PDS5B: variants seen among roughly 807,000 people sequenced by gnomAD.
The protein encoded by PDS5B is sister chromatid cohesion protein PDS5 homolog B.
Under a neutral mutation model 184.1 loss-of-function variants are expected in PDS5B, and 51 were observed. That is an observed-to-expected ratio of 0.28 (90% CI 0.22 to 0.35). The LOEUF (loss-of-function observed/expected upper bound fraction) is 0.35, where lower values mean the gene tolerates loss of function less well. PDS5B is among the 10% of genes least tolerant of loss of function. The pLI, the probability that PDS5B is intolerant of heterozygous loss-of-function variation, is 1.00. For missense variants in PDS5B, 1,180 were observed against 1,723.3 expected, an observed-to-expected ratio of 0.68 and a Z score of 5.58; for synonymous variants, 566 against 569.2, an observed-to-expected ratio of 0.99 and a Z score of 0.08.
intron 22 of PDS5B, among the ~76,000 whole-genome samples, chr13:32,742,042 G>A (rs1258030161): frequency 2.0e-5 from 3 of 152,078 alleles, no homozygotes; most frequent in African/African-American, 4.8e-5. Flanking sequence ...AGACACTATC[G>A]AAGACCCTCT....
intron 30 of PDS5B, among the ~76,000 whole-genome samples, chr13:32,763,036 A>G (rs1954463112): frequency 6.6e-6 from 1 of 152,102 alleles, no homozygotes; most frequent in African/African-American, 2.4e-5. Context: ...TCAATGTTTG[A>G]CCAATCTGTT....
intron 15 of PDS5B, among the ~76,000 whole-genome samples, chr13:32,698,909 C>T (rs1340603499): frequency 6.6e-6 from 1 of 152,064 alleles, no homozygotes; most frequent in Non-Finnish European, 1.5e-5. Context: ...CCTGCCACCA[C>T]GCCAGGCTAA....
intron 17 of PDS5B, among the ~76,000 whole-genome samples, chr13:32,703,696 A>G (rs1233533108): frequency 6.6e-6 from 1 of 152,204 alleles, no homozygotes; most frequent in Non-Finnish European, 1.5e-5. Flanking sequence ...TTCTACTTTT[A>G]GTCCCCTATA....
chr13:32,628,541 C>T (rs1358606366), intron 1 of PDS5B, among the ~76,000 whole-genome samples: 2 of 143,008 alleles, frequency 1.4e-5, no homozygotes, highest in African/African-American at 2.6e-5. Flanking sequence ...CAGAGAGACT[C>T]CCATCTCAGG....
Position 32,775,013 on chromosome 13 carries a change from T to C in PDS5B, c.4309-4T>C. ...ATTAAGCATCTGGTGACTTTCCTTT[T>C]AAGGTACGGCGGCGAAGTGCTAAAA... On this transcript the variant is annotated splice_polypyrimidine_tract_variant and splice_region_variant and intron_variant, in intron 34 of 34. Transcript: ENST00000315596. 6.2e-7 allele frequency: 1 copy of C among 1,612,742 alleles called. No individual in the cohort carries two copies. The highest frequency in any genetic ancestry group is 2.2e-5 in the East Asian group (1 of 44,810).
At chr13:32,738,623 GTC>G (rs1175174349) in intron 21 of PDS5B, among the ~76,000 whole-genome samples, 1 of 151,988 alleles carries the variant, frequency 6.6e-6, no homozygotes, top group Non-Finnish European at 1.5e-5. Flanking sequence ...ATTTATGTGT[GTC>G]TTTTCACTCC....
At chr13:32,680,090 T>A (rs1951195671) in intron 10 of PDS5B, among the ~76,000 whole-genome samples, 1 of 152,244 alleles carries the variant, frequency 6.6e-6, no homozygotes, top group Non-Finnish European at 1.5e-5. Flanking sequence ...ATTTGTTTTT[T>A]TCACCTTATA....
At chr13:32,635,170 GTTTTTTTTTTTTTTTTTTTTTTT>G (rs71071054) in intron 1 of PDS5B, among the ~76,000 whole-genome samples, 86 of 81,110 alleles carry the variant, frequency 1.1e-3, no homozygotes, top group African/African-American at 2.2e-3. Context: ...AGCCAATTAC[GTTTTTTTTTTTTTTTTTTTTTTT>G]TTTTTTTTTT....
At chr13:32,716,129 G>C (rs1185685712) in intron 19 of PDS5B, among the ~76,000 whole-genome samples, 1 of 150,984 alleles carries the variant, frequency 6.6e-6, no homozygotes, top group Admixed American at 6.6e-5. Context: ...CCATCGTCTG[G>C]GACGTGAGGA....
chr13:32,618,296 G>A (rs1039297194), intron 1 of PDS5B, among the ~76,000 whole-genome samples: 9 of 152,186 alleles, frequency 5.9e-5, no homozygotes, highest in Admixed American at 1.3e-4. Flanking sequence ...GGTCCTACCC[G>A]AGGTTTTGCT....
intron 24 of PDS5B, 79 bp from the exon 25 acceptor site, chr13:32,753,253 A>T: frequency 8.2e-7 from 1 of 1,223,356 alleles, no homozygotes; most frequent in Non-Finnish European, 1.2e-6. Context: ...CTCTTTACTT[A>T]AAATAGCAAA....
chr13:32,682,614 A>G (rs1161550542), intron 10 of PDS5B, among the ~76,000 whole-genome samples: 1 of 152,104 alleles, frequency 6.6e-6, no homozygotes, highest in Non-Finnish European at 1.5e-5. Context: ...CTGTGGGCTT[A>G]TGTTCTTATT....
In PDS5B at chr13:32,776,203, T is replaced by C. The variant is rs1255768785; in HGVS notation, c.*1151T>C. ...TGTAAATTCATATTTAGCCATAGTATATGATAGATTGCCCCATAACATAGT... is the reference window on the plus strand; with the variant it reads ...TGTAAATTCATATTTAGCCATAGTACATGATAGATTGCCCCATAACATAGT... On this transcript the variant is annotated 3_prime_UTR_variant, in exon 35 of 35. Transcript: ENST00000315596. The C allele has an allele frequency of 6.5e-6, 1 of 152,722 alleles. No individual in the cohort carries two copies. Among genetic ancestry groups the C allele is most frequent in the East Asian group, 1.9e-4 (1 of 5,206 alleles). 9.5% of individuals were successfully genotyped at this position (152,722 alleles called of 1,614,324 possible). A position where few individuals can be genotyped will look rare whatever the true frequency, so the allele number is the denominator to read the frequency against.
Position 32,738,502 on chromosome 13 carries a change from G to A in PDS5B, c.2407-2578G>A, listed in dbSNP as rs78629737. Among the ~76,000 whole-genome samples, 1,257 of 152,090 alleles carry A rather than the reference G, an allele frequency of 8.3e-3. 18 individuals carry two copies. Among genetic ancestry groups the A allele is most frequent in the African/African-American group, 0.029 (1,187 of 41,484 alleles). On this transcript the variant is annotated intron_variant, in intron 21 of 34. Transcript: ENST00000315596. ...CTACTTTCTGAAATTCCCTTTTGAT[G>A]TATTTTACCTTTTATTCCCCTTGGT...
intron 6 of PDS5B, among the ~76,000 whole-genome samples, chr13:32,660,760 G>A (rs1206044282): frequency 2.0e-5 from 3 of 152,138 alleles, no homozygotes; most frequent in Non-Finnish European, 4.4e-5. Context: ...GAGAGGACCT[G>A]TAGGTACTTC....
chr13:32,719,790 C>G (rs1051979427), intron 19 of PDS5B, among the ~76,000 whole-genome samples: 2 of 150,830 alleles, frequency 1.3e-5, no homozygotes, highest in African/African-American at 2.4e-5. Context: ...AGACCCCCCC[C>G]CCTTTTTTTT....
intron 1 of PDS5B, among the ~76,000 whole-genome samples, chr13:32,615,970 T>G (rs1228418037): frequency 3.9e-5 from 6 of 152,178 alleles, no homozygotes; most frequent in Non-Finnish European, 8.8e-5. Flanking sequence ...AAGACTTCCT[T>G]GATACTATGA....
intron 12 of PDS5B, 32 bp from the exon 13 acceptor site, chr13:32,688,424 A>G: frequency 9.0e-7 from 1 of 1,114,658 alleles, no homozygotes; most frequent in Middle Eastern, 2.1e-4. Flanking sequence ...TTAGAAAAAA[A>G]TCAATACAAT....
In PDS5B at chr13:32,709,969, C is replaced by G; in HGVS notation, c.1986C>G (p.Ile662Met). 6.8e-7 allele frequency: 1 copy of G among 1,478,324 alleles called. No individual in the cohort carries two copies. The highest frequency in any genetic ancestry group is 9.1e-7 in the Non-Finnish European group (1 of 1,096,176). 91.6% of individuals were successfully genotyped at this position (1,478,324 alleles called of 1,614,324 possible). ...LLKVLSFTHP[I>M]SFHSAETFES... Reference sequence around the variant, plus strand: ...AGGTACTCTCATTTACACATCCCATCTCATTTCATTCTGCTGAAACATTTG... The same window carrying G: ...AGGTACTCTCATTTACACATCCCATGTCATTTCATTCTGCTGAAACATTTG... The change falls in exon 19 of 35, where the codon ATC (isoleucine) becomes ATG (methionine). Residue 662 changes from isoleucine (I) to methionine (M), a missense_variant. This residue lies in a region of PDS5B where 475 missense variants were observed against 691.5 expected (regional missense o/e 0.69). Coordinates refer to ENST00000315596, the MANE Select transcript of PDS5B (RefSeq NM_015032.4).
Sources: gnomAD v4.1 joint callset for allele counts (sites outside exome capture counted in the v4.1 genomes callset) on GRCh38, gnomAD v4.1.1 for gene constraint, gnomAD v4.1.1 regional missense constraint, MANE v1.5 for transcripts, NCBI Gene and HGNC (gene_info 2026-07-23, HGNC 2026-07-21) for gene names.